The following PARP8 variants were observed in gnomAD, a reference collection of about 807,000 sequenced individuals.
PARP8 encodes the protein protein mono-ADP-ribosyltransferase PARP8.
Under a neutral mutation model 124.1 loss-of-function variants are expected in PARP8, and 51 were observed. The observed-to-expected ratio is 0.41, with a 90% CI of 0.33 to 0.52. The LOEUF is 0.52. PARP8 is among the 20% of genes least tolerant of loss of function. PARP8 has a pLI of 0.21. For missense variants in PARP8, 860 were observed against 1,018.9 expected, an observed-to-expected ratio of 0.84 and a Z score of 2.12; for synonymous variants, 391 against 361.5, an observed-to-expected ratio of 1.08 and a Z score of -0.93.
chr5:50,773,737 T>C (rs1215740644), intron 7 of PARP8, among the ~76,000 whole-genome samples: 1 of 152,216 alleles, frequency 6.6e-6, no homozygotes, highest in Non-Finnish European at 1.5e-5. Flanking sequence ...TGTAGGTTGC[T>C]TTGGCTGGAG....
intron 2 of PARP8, among the ~76,000 whole-genome samples, chr5:50,713,704 A>AT (rs1755014513): frequency 2.0e-5 from 3 of 151,974 alleles, no homozygotes; most frequent in African/African-American, 7.2e-5. Context: ...TTAAATTAAG[A>AT]TTTTGAGATG....
chr5:50,817,150 G>A (rs1287306621), intron 15 of PARP8, among the ~76,000 whole-genome samples: 1 of 152,254 alleles, frequency 6.6e-6, no homozygotes, highest in East Asian at 1.9e-4. Flanking sequence ...TATGCTAACA[G>A]TATGGTATGT....
intron 3 of PARP8, among the ~76,000 whole-genome samples, chr5:50,757,382 A>G (rs1016974336): frequency 3.5e-4 from 53 of 152,262 alleles, no homozygotes; most frequent in Non-Finnish European, 4.9e-4. Context: ...AAATAATTGA[A>G]CCAGTTTTCT....
chr5:50,773,157 T>A (rs1471941317), intron 7 of PARP8, among the ~76,000 whole-genome samples: 1 of 152,234 alleles, frequency 6.6e-6, no homozygotes, highest in Non-Finnish European at 1.5e-5. Flanking sequence ...TTCACTATGT[T>A]GATTGTTTCC....
Position 50,666,919 on chromosome 5 carries a change from C to CCT in PARP8, c.-176_-175insTC, listed in dbSNP as rs1688581617. The CCT allele has an allele frequency of 7.4e-7, 1 of 1,352,488 alleles. No homozygotes were observed. Among genetic ancestry groups the CCT allele is most frequent in the Non-Finnish European group, 9.5e-7 (1 of 1,047,126 alleles). The allele number at this position is 1,352,488 out of a possible 1,614,324, so 83.8% of individuals were successfully genotyped here. A position where few individuals can be genotyped will look rare whatever the true frequency, so the allele number is the denominator to read the frequency against. ...CCGACCTCCCCCTCCTCCTCCTCCT[C>CCT]CCCCTCCTCCTCCTCCTCTTCTCTC... On this transcript the variant is annotated 5_prime_UTR_variant, in exon 1 of 26. It removes the in-frame stop codon of an upstream open reading frame in the 5' UTR. Coordinates refer to ENST00000281631, the MANE Select transcript of PARP8 (RefSeq NM_024615.4).
intron 2 of PARP8, among the ~76,000 whole-genome samples, chr5:50,745,518 A>G (rs1580178278): frequency 6.6e-6 from 1 of 152,258 alleles, no homozygotes; most frequent in East Asian, 1.9e-4. Flanking sequence ...TGAGTGTTTA[A>G]CCAACTTTTC....
intron 2 of PARP8, among the ~76,000 whole-genome samples, chr5:50,732,794 A>G (rs983323638): frequency 3.0e-4 from 46 of 151,544 alleles, no homozygotes; most frequent in African/African-American, 9.9e-4. Context: ...AATTTTTTGT[A>G]TTTTTATTAG....
rs1288151599 is a variant in PARP8 at position 50,824,845 on chromosome 5, T to G, written c.1861-63T>G. ...GGCATATCGTTTGGTCTGATTTTCC[T>G]TTTGTGAAAACGGAAAAATGAATTT... On this transcript the variant is annotated intron_variant, in intron 17 of 25. Coordinates refer to ENST00000281631, the MANE Select transcript of PARP8 (RefSeq NM_024615.4). 4 of 1,417,178 alleles carry G rather than the reference T, an allele frequency of 2.8e-6. 1 individual carries two copies. In the South Asian group the frequency reaches 4.6e-5, roughly 16 times the overall value. The allele number at this position is 1,417,178 out of a possible 1,614,324, so 87.8% of individuals were successfully genotyped here. A position where few individuals can be genotyped will look rare whatever the true frequency, so the allele number is the denominator to read the frequency against.
At chr5:50,689,118 T>A (rs1752219956) in intron 2 of PARP8, among the ~76,000 whole-genome samples, 1 of 151,408 alleles carries the variant, frequency 6.6e-6, no homozygotes, top group Non-Finnish European at 1.5e-5. Flanking sequence ...ACCCTCTGGC[T>A]TTCTGGGAAA....
chr5:50,813,538 A>G (rs2149686276), intron 14 of PARP8, among the ~76,000 whole-genome samples: 1 of 152,296 alleles, frequency 6.6e-6, no homozygotes, highest in South Asian at 2.1e-4. Flanking sequence ...TCATCTGCAA[A>G]CAGGGACAAT....
At chr5:50,726,007 A>G (rs1345756933) in intron 2 of PARP8, among the ~76,000 whole-genome samples, 1 of 152,032 alleles carries the variant, frequency 6.6e-6, no homozygotes, top group African/African-American at 2.4e-5. Flanking sequence ...ACCTACTCCT[A>G]TGGTATTGTG....
At chr5:50,828,572 G>T (rs1746597525) in intron 21 of PARP8, among the ~76,000 whole-genome samples, 188 bp downstream of exon 21, 1 of 151,852 alleles carries the variant, frequency 6.6e-6, no homozygotes, top group Admixed American at 6.6e-5. Flanking sequence ...ACACAAAATG[G>T]ATCACACAAT....
At chr5:50,787,281 T>C (rs1166921962) in intron 9 of PARP8, among the ~76,000 whole-genome samples, 3 of 152,208 alleles carry the variant, frequency 2.0e-5, no homozygotes, top group Non-Finnish European at 4.4e-5. Flanking sequence ...CTTTGACCAG[T>C]TGATCCTGCA....
intron 2 of PARP8, among the ~76,000 whole-genome samples, chr5:50,708,816 C>T (rs1043814163): frequency 4.6e-5 from 7 of 151,608 alleles, no homozygotes; most frequent in African/African-American, 1.7e-4. Flanking sequence ...AGTGTCTTAC[C>T]CGTCAACCAG....
chr5:50,760,201 C>A, intron 4 of PARP8, 91 bp from the exon 5 acceptor site: 2 of 1,124,432 alleles, frequency 1.8e-6, no homozygotes, highest in Non-Finnish European at 2.4e-6. Flanking sequence ...ATGGAATCAC[C>A]TAAAGGGTAG....
rs1204039976 is a variant in PARP8, at chr5:50,681,623, A to T, written c.146+13498A>T. On this transcript the variant is annotated intron_variant, in intron 2 of 25. Transcript: ENST00000281631. ...ACTAGTTGTGGAGCATTTGCTCCAA[A>T]ATAAAATGAAAGTCCTCTCTGAAGT... Among the ~76,000 whole-genome samples, 5 of 152,320 alleles carry T rather than the reference A, an allele frequency of 3.3e-5. No individual in the cohort carries two copies. The East Asian group carries it at 9.6e-4, about 29-fold the overall frequency.
intron 2 of PARP8, among the ~76,000 whole-genome samples, chr5:50,705,852 A>G (rs1754091038): frequency 6.6e-6 from 1 of 151,686 alleles, no homozygotes; most frequent in Admixed American, 6.6e-5. Flanking sequence ...ATACTATTTG[A>G]TTTGTTGCCA....
rs1747396220 is a variant in PARP8, at chr5:50,834,915, A to G, written c.2378-16A>G. Reference sequence around the variant, plus strand: ...TAGAATAAAGTGGTTCTTTAATTTTATTTTCCACTTAACAGTGATCACCTC... The same window carrying G: ...TAGAATAAAGTGGTTCTTTAATTTTGTTTTCCACTTAACAGTGATCACCTC... On this transcript the variant is annotated splice_polypyrimidine_tract_variant and intron_variant, in intron 24 of 25. Transcript: ENST00000281631. The G allele has an allele frequency of 6.2e-7, 1 of 1,606,318 alleles. No individual in the cohort carries two copies. Among genetic ancestry groups the G allele is most frequent in the Middle Eastern group, 1.7e-4 (1 of 6,046 alleles).
intron 2 of PARP8, among the ~76,000 whole-genome samples, chr5:50,696,627 C>A (rs1212443904): frequency 6.6e-6 from 1 of 152,124 alleles, no homozygotes; most frequent in Non-Finnish European, 1.5e-5. Flanking sequence ...CTCTGATAGG[C>A]CACCTTCTAT....
Sources: gnomAD v4.1 joint callset for allele counts (sites outside exome capture counted in the v4.1 genomes callset) on GRCh38, gnomAD v4.1.1 for gene constraint, MANE v1.5 for transcripts, NCBI Gene and HGNC (gene_info 2026-07-23, HGNC 2026-07-21) for gene names.